Variants in ASAP1 observed in about 807,000 individuals in gnomAD.
ASAP1 encodes arf-GAP with SH3 domain, ANK repeat and PH domain-containing protein 1.
In ASAP1, 43 loss-of-function variants were observed where a neutral mutation model predicts 145.2. That is an observed-to-expected ratio of 0.30 (90% CI 0.23 to 0.38). ASAP1 has a LOEUF of 0.38. ASAP1 is among the 10% of genes least tolerant of loss of function. The pLI is 1.00. For synonymous variants in ASAP1, 546 were observed against 515.5 expected (o/e 1.06, Z -0.80); for missense variants, 1,018 against 1,355.3 (o/e 0.75, Z 3.91).
intron 23 of ASAP1, among the ~76,000 whole-genome samples, chr8:130,115,366 T>C (rs2097553554): frequency 6.6e-6 from 1 of 152,222 alleles, no homozygotes; most frequent in Non-Finnish European, 1.5e-5. Context: ...CATTTTGAAC[T>C]TGACAGCTCC....
intron 1 of ASAP1, among the ~76,000 whole-genome samples, chr8:130,409,716 A>AAATGATAAC (rs1829184086): frequency 6.6e-6 from 1 of 152,212 alleles, no homozygotes; most frequent in Non-Finnish European, 1.5e-5. Context: ...TTGTTGATTC[A>AAATGATAAC]AATGATAACA....
intron 3 of ASAP1, among the ~76,000 whole-genome samples, chr8:130,277,348 A>G (rs1005773629): frequency 1.3e-5 from 2 of 152,242 alleles, no homozygotes; most frequent in African/African-American, 4.8e-5. Flanking sequence ...ACCAATAACT[A>G]TAAGCCATAC....
intron 3 of ASAP1, among the ~76,000 whole-genome samples, chr8:130,267,128 A>C (rs890123095): frequency 1.3e-5 from 2 of 151,000 alleles, no homozygotes; most frequent in East Asian, 2.1e-4. Context: ...ACAAACAAAA[A>C]AAAAACAAAA....
intron 3 of ASAP1, among the ~76,000 whole-genome samples, chr8:130,281,490 C>T (rs140242839): frequency 3.2e-4 from 49 of 152,222 alleles, no homozygotes; most frequent in African/African-American, 1.1e-3. Flanking sequence ...CTTCTAAGAA[C>T]AGGGGTTTAT....
rs924603624 is a variant in ASAP1, at chr8:130,358,853, G to A, written c.60-710C>T. Among the ~76,000 whole-genome samples, 3 of 151,888 alleles carry A rather than the reference G, an allele frequency of 2.0e-5. No individual in the cohort carries two copies. The highest frequency in any genetic ancestry group is 7.3e-5 in the African/African-American group (3 of 41,372). ...GGGGCTCCGGAAGCCCGAGTCCCTG[G>A]TTCGCCCCCGGAGCGGTTACTTCAG... On this transcript the variant is annotated intron_variant, in intron 2 of 29. Coordinates refer to ENST00000518721, the MANE Select transcript of ASAP1 (RefSeq NM_018482.4). The surrounding 1 kb of genome is among the most constrained non-coding windows in gnomAD (Gnocchi z 4.1).
intron 2 of ASAP1, among the ~76,000 whole-genome samples, chr8:130,376,492 C>A (rs1271753184): frequency 6.6e-6 from 1 of 152,142 alleles, no homozygotes; most frequent in Non-Finnish European, 1.5e-5. Flanking sequence ...CTTTGGGAGG[C>A]CGAGGTGGGT....
intron 29 of ASAP1, 83 bp downstream of exon 29, chr8:130,057,871 C>A (rs984499841): frequency 3.3e-5 from 51 of 1,561,760 alleles, no homozygotes; most frequent in Non-Finnish European, 4.2e-5. Context: ...TCTTTTACTG[C>A]ACTGTCTGTA....
intron 15 of ASAP1, among the ~76,000 whole-genome samples, chr8:130,131,831 G>A (rs999166880): frequency 1.8e-4 from 27 of 152,138 alleles, no homozygotes; most frequent in African/African-American, 4.3e-4. Flanking sequence ...TGCAAAATGC[G>A]CAACTTCAGG....
chr8:130,104,149 G>A (rs1252970338), intron 24 of ASAP1, among the ~76,000 whole-genome samples: 1 of 152,152 alleles, frequency 6.6e-6, no homozygotes, highest in East Asian at 1.9e-4. Flanking sequence ...GTACACAACT[G>A]AAAAAGTACA....
At chr8:130,370,881 G>C (rs1487445467) in intron 2 of ASAP1, among the ~76,000 whole-genome samples, 2 of 152,182 alleles carry the variant, frequency 1.3e-5, no homozygotes, top group East Asian at 3.8e-4. Flanking sequence ...TGGTTATCAG[G>C]GGCTGTGGGG....
intron 1 of ASAP1, among the ~76,000 whole-genome samples, chr8:130,416,769 G>A (rs1587005512): frequency 6.6e-6 from 1 of 152,220 alleles, no homozygotes; most frequent in South Asian, 2.1e-4. Flanking sequence ...GCTCCTCGGA[G>A]ACTCTGATGC....
chr8:130,242,276 A>C (rs1425891694), intron 3 of ASAP1, among the ~76,000 whole-genome samples: 33 of 150,756 alleles, frequency 2.2e-4, no homozygotes, highest in African/African-American at 6.3e-4. Flanking sequence ...AAAAAAAAAA[A>C]AAAAAAACAA....
rs372707721 is a variant in ASAP1 at position 130,150,208 on chromosome 8, T to C, written c.1080+2528A>G. ...ATCAGACAGATGCCACAGTCCATTA[T>C]CTTAGCCACTAAACAATGTGGATGA... On this transcript the variant is annotated intron_variant, in intron 13 of 29. Coordinates refer to ENST00000518721, the MANE Select transcript of ASAP1 (RefSeq NM_018482.4). 2.0e-3 allele frequency among the ~76,000 whole-genome samples: 310 copies of C among 152,322 alleles called. 1 individual carries two copies. Among genetic ancestry groups the C allele is most frequent in the Middle Eastern group, 0.01 (3 of 294 alleles).
chr8:130,152,930 C>CA, intron 12 of ASAP1, 125 bp from the exon 13 acceptor site: 5 of 641,212 alleles, frequency 7.8e-6, no homozygotes, highest in Admixed American at 3.3e-5. Context: ...CCAACCCCCC[C>CA]AAAAAAATCC....
chr8:130,288,399 T>A (rs746848859), intron 3 of ASAP1, among the ~76,000 whole-genome samples: 10 of 151,850 alleles, frequency 6.6e-5, no homozygotes, highest in Non-Finnish European at 1.3e-4. Context: ...ATAAAGAGGA[T>A]ATCTTTGAGA....
At chr8:130,208,795 T>C (rs1359344979) in intron 5 of ASAP1, 1 of 152,222 alleles carries the variant, frequency 6.6e-6, no homozygotes, top group Non-Finnish European at 1.5e-5. Context: ...ATAAGTCATA[T>C]TCTTTTGAAC....
chr8:130,109,512 A>C (rs1182176612), intron 24 of ASAP1, among the ~76,000 whole-genome samples: 1 of 152,126 alleles, frequency 6.6e-6, no homozygotes, highest in African/African-American at 2.4e-5. Context: ...CAGACCCCTA[A>C]ATTCAGTTGA....
intron 1 of ASAP1, among the ~76,000 whole-genome samples, chr8:130,420,281 A>C (rs1329126952): frequency 1.4e-5 from 2 of 143,154 alleles, no homozygotes; most frequent in South Asian, 2.2e-4. Flanking sequence ...CACACACACA[A>C]TAGCAATAAC....
intron 24 of ASAP1, among the ~76,000 whole-genome samples, chr8:130,092,940 A>G (rs2097508654): frequency 1.1e-5 from 1 of 92,514 alleles, no homozygotes; most frequent in South Asian, 2.8e-4. Context: ...GCTTTTCTTA[A>G]AAAAAAAAAA....
Sources: gnomAD v4.1 joint callset for allele counts (sites outside exome capture counted in the v4.1 genomes callset) on GRCh38, gnomAD v4.1.1 for gene constraint, Gnocchi (gnomAD v3.1) non-coding constraint, MANE v1.5 for transcripts, NCBI Gene and HGNC (gene_info 2026-07-23, HGNC 2026-07-21) for gene names.